HOGA1: variants seen among roughly 807,000 people sequenced by gnomAD.
HOGA1 encodes 4-hydroxy-2-oxoglutarate aldolase 1.
HOGA1 carries 30 observed loss-of-function variants against 34.3 expected under a neutral mutation model. The observed-to-expected ratio is 0.87, with a 90% CI of 0.65 to 1.19. HOGA1 has a LOEUF of 1.19. Among genes scored for constraint, HOGA1 ranks in the 50% most tolerant of loss-of-function variants. The pLI is 0.00. For synonymous variants in HOGA1, 161 were observed against 174.0 expected, an observed-to-expected ratio of 0.93 and a Z score of 0.59; for missense variants, 417 against 436.5, an observed-to-expected ratio of 0.96 and a Z score of 0.40.
intron 6 of HOGA1, among the ~76,000 whole-genome samples, chr10:97,606,513 T>C (rs2041159493): frequency 6.6e-6 from 1 of 152,194 alleles, no homozygotes; most frequent in Admixed American, 6.5e-5. Flanking sequence ...AAAGGCCATC[T>C]TTCCTCCATT....
chr10:97,589,965 C>G (rs777463197), intron 1 of HOGA1: 7 of 1,613,980 alleles, frequency 4.3e-6, no homozygotes, highest in Non-Finnish European at 5.9e-6. Context: ...AAGGACAAGT[C>G]ACCAGAATCC....
At chr10:97,589,999 G>T in intron 1 of HOGA1, 2 of 1,614,152 alleles carry the variant, frequency 1.2e-6, no homozygotes, top group South Asian at 1.1e-5. Context: ...ATGAAAGCTG[G>T]ATTAAATCCC....
At chr10:97,585,668 T>C (rs2040964405) in intron 1 of HOGA1, among the ~76,000 whole-genome samples, 1 of 152,184 alleles carries the variant, frequency 6.6e-6, no homozygotes, top group Admixed American at 6.5e-5. Flanking sequence ...GGCTAACACA[T>C]AGCTGAGCTG....
At chr10:97,600,678 A>G (rs2041109086) in intron 5 of HOGA1, 1 of 188,038 alleles carries the variant, frequency 5.3e-6, no homozygotes, top group South Asian at 1.1e-4. Flanking sequence ...GTTTGGGGTC[A>G]GGGTCCTTGG....
chr10:97,594,168 CTTTTTTTTT>C (rs71007354), intron 1 of HOGA1, among the ~76,000 whole-genome samples: 1 of 43,432 alleles, frequency 2.3e-5, no homozygotes, highest in African/African-American at 1.0e-4. Context: ...TGCGCCTGGT[CTTTTTTTTT>C]TTTTTTTTTT....
intron 1 of HOGA1, among the ~76,000 whole-genome samples, chr10:97,589,408 C>G (rs1360726574): frequency 6.6e-6 from 1 of 151,726 alleles, no homozygotes; most frequent in African/African-American, 2.4e-5. Context: ...CCCTGGGGGC[C>G]ACCAGATGGG....
chr10:97,587,286 C>T (rs931853837), intron 1 of HOGA1, among the ~76,000 whole-genome samples: 1 of 152,142 alleles, frequency 6.6e-6, no homozygotes, highest in Non-Finnish European at 1.5e-5. Flanking sequence ...AGTTAAAGGT[C>T]CTCTGAAGAG....
chr10:97,611,620 G>C lies in HOGA1; in HGVS notation c.945G>C (p.Glu315Asp). The C allele has an allele frequency of 6.2e-7, 1 of 1,614,092 alleles. No homozygotes were observed. Among genetic ancestry groups the C allele is most frequent in the African/African-American group, 1.3e-5 (1 of 75,070 alleles). Reference sequence around the variant, plus strand: ...AGGAGCTGAGCCCCGCTGAGGAGGAGGCACTGCGCATGGATTTCACCAGCA... The same window carrying C: ...AGGAGCTGAGCCCCGCTGAGGAGGACGCACTGCGCATGGATTTCACCAGCA... ...PLQELSPAEE[E>D]ALRMDFTSNG... Residue 315 changes from glutamate (E) to aspartate (D), a missense_variant, in exon 7 of 7, where the codon GAG becomes GAC. By Grantham distance (45) the Glu-to-Asp change is conservative. Transcript: ENST00000370646.
chr10:97,584,749 A>G lies in HOGA1; in HGVS notation c.46A>G (p.Arg16Gly), dbSNP rs1258044701. The G allele has an allele frequency of 6.2e-7, 1 of 1,612,978 alleles. No homozygotes were observed. The highest frequency in any genetic ancestry group is 1.7e-5 in the Admixed American group (1 of 59,922). ...GTCTTCTGTGAGGCAGGGGCTAAGC[A>G]GGAGCTTGTCCAGGAATGTGGGGGT... Reference protein sequence around the residue: ...VWSSVRQGLSRSLSRNVGVWA... With the variant: ...VWSSVRQGLSGSLSRNVGVWA... The change falls in exon 1 of 7, where the codon AGG (arginine) becomes GGG (glycine). Residue 16 changes from arginine to glycine, a missense_variant. Transcript: ENST00000370646.
At chr10:97,589,364 C>T (rs1338132860) in intron 1 of HOGA1, among the ~76,000 whole-genome samples, 1 of 151,998 alleles carries the variant, frequency 6.6e-6, no homozygotes, top group Non-Finnish European at 1.5e-5. Context: ...GGGGATCATT[C>T]TGTCATGGCC....
intron 1 of HOGA1, among the ~76,000 whole-genome samples, chr10:97,596,131 A>C (rs1427657102): frequency 6.6e-6 from 1 of 152,184 alleles, no homozygotes; most frequent in Non-Finnish European, 1.5e-5. Context: ...TGACTACGCC[A>C]CACTCCCTCT....
chr10:97,605,003 G>A (rs1189101222), intron 6 of HOGA1, among the ~76,000 whole-genome samples: 1 of 151,064 alleles, frequency 6.6e-6, no homozygotes, highest in Non-Finnish European at 1.5e-5. Flanking sequence ...AATAAAAGCT[G>A]CCATGAACAT....
rs544277494 is a variant in HOGA1 at position 97,602,225 on chromosome 10, C to T, written c.834+235C>T. The T allele has an allele frequency of 1.3e-5, 19 of 1,507,964 alleles. No homozygotes were observed. In the East Asian group the frequency reaches 1.8e-4, roughly 15 times the overall value. 93.4% of individuals were successfully genotyped at this position (1,507,964 alleles called of 1,614,324 possible). On this transcript the variant is annotated intron_variant, in intron 6 of 6. Coordinates refer to ENST00000370646, the MANE Select transcript of HOGA1 (RefSeq NM_138413.4). ...GTGTGCATTAAAATTTCCTTGGGGG[C>T]GAATTAAAGTTCCAACTTTTGGGCC...
chr10:97,604,901 A>T (rs1354017900), intron 6 of HOGA1, among the ~76,000 whole-genome samples: 1 of 152,188 alleles, frequency 6.6e-6, no homozygotes, highest in Non-Finnish European at 1.5e-5. Context: ...GAATCGCTTG[A>T]ATGCGGCAGG....
intron 1 of HOGA1, chr10:97,589,804 G>T: frequency 1.1e-6 from 1 of 914,982 alleles, no homozygotes; most frequent in Non-Finnish European, 1.7e-6. Flanking sequence ...TGCCTGCCTG[G>T]TGTAGGGTCC....
At chr10:97,588,307 C>T (rs2040988172) in intron 1 of HOGA1, among the ~76,000 whole-genome samples, 1 of 150,406 alleles carries the variant, frequency 6.6e-6, no homozygotes, top group Admixed American at 6.7e-5. Flanking sequence ...ACGCCATTTT[C>T]CTGCCTCAGC....
intron 6 of HOGA1, among the ~76,000 whole-genome samples, chr10:97,607,521 C>T (rs1023399098): frequency 6.6e-5 from 10 of 152,314 alleles, no homozygotes; most frequent in South Asian, 2.1e-4. Flanking sequence ...ATTGGCACTG[C>T]GTGCTTGCTG....
rs1220926269 is a variant in HOGA1 at position 97,600,424 on chromosome 10, T to A, written c.700+261T>A. On this transcript the variant is annotated intron_variant, in intron 5 of 6. Transcript: ENST00000370646. The stretch of plus-strand genomic sequence containing the variant: ...AGGGATGCCTGCAGTTTGTTCTGAG[T>A]CCTGAGCTCCATGATTAGATGACAA... 7.3e-6 allele frequency: 4 copies of A among 549,066 alleles called. No individual in the cohort carries two copies. In the East Asian group the frequency reaches 1.3e-4, roughly 18 times the overall value. The allele number at this position is 549,066 out of a possible 1,614,324, so 34.0% of individuals were successfully genotyped here.
intron 1 of HOGA1, among the ~76,000 whole-genome samples, chr10:97,596,831 T>A (rs1484299514): frequency 6.6e-6 from 1 of 151,654 alleles, no homozygotes; most frequent in African/African-American, 2.4e-5. Flanking sequence ...TGAAGTGGAG[T>A]CTACATCACA....
Sources: allele counts gnomAD v4.1 joint callset (sites outside exome capture counted in the v4.1 genomes callset), GRCh38; gene constraint gnomAD v4.1.1; transcripts MANE v1.5; gene names NCBI Gene and HGNC (gene_info 2026-07-23, HGNC 2026-07-21).